Variants in TFEC observed in about 807,000 individuals in gnomAD.
TFEC encodes transcription factor EC.
In TFEC, 31 loss-of-function variants were observed where a neutral mutation model predicts 41.6. That is an observed-to-expected ratio of 0.74 (90% CI 0.56 to 1.01). The LOEUF (loss-of-function observed/expected upper bound fraction) is 1.01. Ranked by LOEUF, TFEC falls within the 50% of genes least tolerant of loss-of-function variation. The probability of loss-of-function intolerance (pLI) is 0.00; values close to 1 mark genes in which losing one functional copy is unlikely to be tolerated. For missense variants in TFEC, 402 were observed against 404.1 expected, an observed-to-expected ratio of 0.99 and a Z score of 0.04; for synonymous variants, 143 against 140.6, an observed-to-expected ratio of 1.02 and a Z score of -0.12.
At chr7:116,150,129 C>T (rs983393881) in intron 1 of TFEC, among the ~76,000 whole-genome samples, 3 of 152,316 alleles carry the variant, frequency 2.0e-5, no homozygotes, top group East Asian at 1.9e-4. Flanking sequence ...CTTTTTCACA[C>T]TTAATCTAAA....
rs749238458 is a variant in TFEC, at chr7:115,940,573, G to A, written c.1022C>T (p.Ser341Leu). The part of the protein sequence containing the change: ...KESSRRSSFS[S>L]DDGDEL ...TTCTTATAATTCATCACCATCATCT[G>A]AGCTAAAGCTACTTCTCCTACTGCT... The change falls in exon 8 of 8, where the codon TCA (serine) becomes TTA (leucine). Residue 341 changes from serine to leucine, a missense_variant. Coordinates refer to ENST00000265440, the MANE Select transcript of TFEC (RefSeq NM_012252.4). 1.9e-6 allele frequency: 3 copies of A among 1,612,382 alleles called. No homozygotes were observed. The highest frequency in any genetic ancestry group is 2.5e-6 in the Non-Finnish European group (3 of 1,179,096).
At chr7:116,001,507 A>C (rs1392406060) in intron 1 of TFEC, among the ~76,000 whole-genome samples, 10 of 151,830 alleles carry the variant, frequency 6.6e-5, no homozygotes, top group Non-Finnish European at 1.0e-4. Flanking sequence ...GAAAAAAAAA[A>C]AACAACCAAC....
chr7:116,052,852 G>A (rs919742295), intron 3 of TFEC, among the ~76,000 whole-genome samples: 4 of 151,684 alleles, frequency 2.6e-5, no homozygotes, highest in Non-Finnish European at 2.9e-5. Context: ...GGCGGATCAC[G>A]AGGTCAGGAG....
At chr7:116,084,613 G>A (rs1315935214) in intron 3 of TFEC, among the ~76,000 whole-genome samples, 2 of 151,546 alleles carry the variant, frequency 1.3e-5, no homozygotes, top group Non-Finnish European at 2.9e-5. Flanking sequence ...AGGCTACATA[G>A]TTTCTGAAAA....
At chr7:115,994,957 T>C (rs369076355) in intron 1 of TFEC, among the ~76,000 whole-genome samples, 1 of 152,134 alleles carries the variant, frequency 6.6e-6, no homozygotes, top group East Asian at 1.9e-4. Context: ...CAAATGTCCA[T>C]CAATGATAGA....
chr7:116,155,162 T>C (rs79534371), intron 1 of TFEC, among the ~76,000 whole-genome samples: 23,786 of 152,176 alleles, frequency 0.16, 2,001 homozygotes, highest in East Asian at 0.33. Context: ...CTGAAACACA[T>C]CATTCTGATG....
intron 1 of TFEC, among the ~76,000 whole-genome samples, chr7:116,011,092 T>TA (rs1255804900): frequency 6.6e-6 from 1 of 152,150 alleles, no homozygotes; most frequent in African/African-American, 2.4e-5. Context: ...TTATTCCAGT[T>TA]AGAGTAAATA....
chr7:115,953,481 T>G (rs962848079), intron 5 of TFEC, among the ~76,000 whole-genome samples: 2 of 152,212 alleles, frequency 1.3e-5, no homozygotes, highest in African/African-American at 4.8e-5. Flanking sequence ...ATAATGGATA[T>G]ACAGGACACC....
rs182370078 is a variant in TFEC, at chr7:116,071,583, T to G, written c.198+39125A>C. Among the ~76,000 whole-genome samples the G allele has an allele frequency of 8.6e-5, 13 of 151,534 alleles. No homozygotes were observed. The East Asian group carries it at 2.5e-3, about 29-fold the overall frequency. ...TCCTACTTTTTCTAAAAAGTGTACT[T>G]GACTAGATCTAAAGAGATTTATTTA... On this transcript the variant is annotated intron_variant, in intron 3 of 8. Coordinates refer to the TFEC transcript ENST00000484212.
intron 3 of TFEC, among the ~76,000 whole-genome samples, chr7:116,076,016 C>A (rs1397717411): frequency 3.3e-5 from 5 of 152,180 alleles, no homozygotes; most frequent in African/African-American, 1.2e-4. Context: ...CTCACAGAGT[C>A]CACTTCACTC....
rs117681324 is a variant in TFEC, at chr7:115,954,198, T to A, written c.439+388A>T. On this transcript the variant is annotated intron_variant, in intron 5 of 7. Transcript: ENST00000265440. Reference sequence around the variant, plus strand: ...ATATCATTAAGAAAGGAGGAGCAAATTGACACAGAAAAATGAGAACCTGGA... The same window carrying A: ...ATATCATTAAGAAAGGAGGAGCAAAATGACACAGAAAAATGAGAACCTGGA... Among the ~76,000 whole-genome samples, 896 of 152,162 alleles carry A rather than the reference T, an allele frequency of 5.9e-3. 2 individuals carry two copies. The highest frequency in any genetic ancestry group is 1.0e-2 in the Non-Finnish European group (678 of 67,976).
rs181616830 is a variant in TFEC, at chr7:115,944,132, T to C, written c.516-2092A>G. 1.3e-3 allele frequency among the ~76,000 whole-genome samples: 192 copies of C among 148,612 alleles called. 5 individuals carry two copies. Among genetic ancestry groups the C allele is most frequent in the Admixed American group, 4.1e-3 (61 of 14,762 alleles). On this transcript the variant is annotated intron_variant, in intron 6 of 7. Transcript: ENST00000265440. ...ATTCTTACACAAAAGCAGGAGGAAT[T>C]TGGTTGTAGAGGAGAGTAAAGATTA...
intron 3 of TFEC, among the ~76,000 whole-genome samples, chr7:116,060,802 C>G (rs995963391): frequency 6.6e-6 from 1 of 152,052 alleles, no homozygotes; most frequent in African/African-American, 2.4e-5. Context: ...GCACAACAAA[C>G]CCCTGTGACA....
intron 1 of TFEC, among the ~76,000 whole-genome samples, chr7:115,992,877 CA>C (rs772673394): frequency 1.8e-4 from 28 of 152,078 alleles, no homozygotes; most frequent in Admixed American, 4.6e-4. Context: ...ATCCTGATAC[CA>C]AAGCCTGGCA....
At chr7:116,070,146 A>ATG (rs777262615) in intron 3 of TFEC, among the ~76,000 whole-genome samples, 1 of 151,012 alleles carries the variant, frequency 6.6e-6, no homozygotes, top group African/African-American at 2.4e-5. Flanking sequence ...ATATATGTAT[A>ATG]TGTGTGTGTG....
chr7:116,130,264 A>G (rs990611466), intron 1 of TFEC, among the ~76,000 whole-genome samples: 10 of 152,178 alleles, frequency 6.6e-5, no homozygotes, highest in Admixed American at 2.0e-4. Context: ...TTCACTAGCT[A>G]GACTATGAAT....
chr7:116,150,466 C>T (rs1326207290), intron 1 of TFEC, among the ~76,000 whole-genome samples: 1 of 152,028 alleles, frequency 6.6e-6, no homozygotes, highest in Non-Finnish European at 1.5e-5. Flanking sequence ...ACTGGACATT[C>T]TTGTCAGTTT....
At chr7:115,986,129 AG>A (rs2130686422) in intron 1 of TFEC, among the ~76,000 whole-genome samples, 1 of 152,350 alleles carries the variant, frequency 6.6e-6, no homozygotes, top group African/African-American at 2.4e-5. Context: ...AGAATACAAA[AG>A]AAGTCACAGA....
intron 1 of TFEC, among the ~76,000 whole-genome samples, chr7:116,141,531 T>C (rs909339375): frequency 1.3e-5 from 2 of 152,164 alleles, no homozygotes; most frequent in Non-Finnish European, 2.9e-5. Flanking sequence ...ACAGAGTCCC[T>C]TGGGTATGAT....
Sources: allele counts gnomAD v4.1 joint callset (sites outside exome capture counted in the v4.1 genomes callset), GRCh38; gene constraint gnomAD v4.1.1; transcripts MANE v1.5; gene names NCBI Gene and HGNC (gene_info 2026-07-23, HGNC 2026-07-21).